Variants in RAB5B observed in about 807,000 individuals in gnomAD.
RAB5B encodes the protein ras-related protein Rab-5B.
In RAB5B, 11 loss-of-function variants were observed where a neutral mutation model predicts 28.6. The ratio of observed to expected loss-of-function variants is 0.38; its 90% CI spans 0.24 to 0.64. The LOEUF (loss-of-function observed/expected upper bound fraction) is 0.64. Ranked by LOEUF, RAB5B falls within the 30% of genes least tolerant of loss-of-function variation. The probability of loss-of-function intolerance (pLI) is 0.53; values close to 1 mark genes in which losing one functional copy is unlikely to be tolerated. For missense variants in RAB5B, 169 were observed against 265.6 expected, an observed-to-expected ratio of 0.64 and a Z score of 2.53; for synonymous variants, 93 against 97.9, an observed-to-expected ratio of 0.95 and a Z score of 0.29.
chr12:55,992,696 G>A lies in RAB5B; in HGVS notation c.*484G>A. 1 of 375,140 alleles carries A rather than the reference G, an allele frequency of 2.7e-6. No homozygotes were observed. The highest frequency in any genetic ancestry group is 9.3e-5 in the East Asian group (1 of 10,756). 23.2% of individuals were successfully genotyped at this position (375,140 alleles called of 1,614,324 possible). Reference sequence around the variant, plus strand: ...AGGTTTCCAGTTCATTTACATTAAGGGCCCTGGGGGAGAATAAAGCTCAGA... The same window carrying A: ...AGGTTTCCAGTTCATTTACATTAAGAGCCCTGGGGGAGAATAAAGCTCAGA... On this transcript the variant is annotated 3_prime_UTR_variant, in exon 6 of 6. Transcript: ENST00000360299.
At chr12:55,981,309 C>A (rs923046430) in intron 1 of RAB5B, among the ~76,000 whole-genome samples, 1 of 152,064 alleles carries the variant, frequency 6.6e-6, no homozygotes, top group African/African-American at 2.4e-5. Flanking sequence ...GGTGATCTGC[C>A]CATCTCGCCC....
intron 1 of RAB5B, among the ~76,000 whole-genome samples, chr12:55,978,281 C>T (rs1209870251): frequency 2.6e-5 from 4 of 152,044 alleles, no homozygotes; most frequent in Admixed American, 2.6e-4. Context: ...GGGTGGATCA[C>T]GAGGTCAGGA....
At chr12:55,975,323 T>C (rs779172750) in intron 1 of RAB5B, among the ~76,000 whole-genome samples, 1 of 152,162 alleles carries the variant, frequency 6.6e-6, no homozygotes, top group Non-Finnish European at 1.5e-5. Flanking sequence ...GGAAGAGATT[T>C]GGGGAAGAGT....
intron 2 of RAB5B, among the ~76,000 whole-genome samples, chr12:55,987,740 A>T (rs1186474194): frequency 6.6e-6 from 1 of 151,720 alleles, no homozygotes; most frequent in Non-Finnish European, 1.5e-5. Context: ...CTAAGGCAGG[A>T]GAATCACTTG....
intron 2 of RAB5B, among the ~76,000 whole-genome samples, chr12:55,989,506 T>A (rs1261099787): frequency 6.6e-6 from 1 of 152,038 alleles, no homozygotes; most frequent in Non-Finnish European, 1.5e-5. Context: ...ACTCCTGACC[T>A]CAGGTGATCC....
chr12:55,987,660 T>C (rs547600132), intron 2 of RAB5B, among the ~76,000 whole-genome samples: 5 of 149,700 alleles, frequency 3.3e-5, no homozygotes, highest in African/African-American at 1.2e-4. Context: ...CGAAATCCTG[T>C]CTCTACTAAA....
intron 1 of RAB5B, among the ~76,000 whole-genome samples, chr12:55,974,410 G>C (rs917969592): frequency 4.6e-5 from 7 of 152,290 alleles, no homozygotes; most frequent in African/African-American, 1.7e-4. Flanking sequence ...CCTGGAGCTT[G>C]AGTGAGGGCA....
chr12:55,990,066 G>A lies in RAB5B; in HGVS notation c.283G>A (p.Ala95Thr). 4 of 1,614,170 alleles carry A rather than the reference G, an allele frequency of 2.5e-6. No homozygotes were observed. In the Middle Eastern group the frequency reaches 4.9e-4, roughly 200 times the overall value. Reference protein sequence around the residue: ...LAPMYYRGAQAAIVVYDITNQ... With the variant: ...LAPMYYRGAQTAIVVYDITNQ... ...CCCCATGTACTACAGGGGTGCCCAAGCTGCAATCGTGGTTTACGACATTAC... is the reference window on the plus strand; with the variant it reads ...CCCCATGTACTACAGGGGTGCCCAAACTGCAATCGTGGTTTACGACATTAC... Residue 95 changes from alanine to threonine, a missense_variant, in exon 3 of 6, where the codon GCT becomes ACT. Ala to Thr is a moderately conservative substitution (Grantham distance 58, BLOSUM62 0). Transcript: ENST00000360299.
intron 1 of RAB5B, chr12:55,985,661 C>T (rs1429685971): frequency 2.2e-6 from 1 of 455,572 alleles, no homozygotes; most frequent in Non-Finnish European, 4.4e-6. Context: ...TCATCAAATA[C>T]TGATTGCTTG....
chr12:55,988,217 A>C (rs1890009694), intron 2 of RAB5B, among the ~76,000 whole-genome samples: 1 of 152,232 alleles, frequency 6.6e-6, no homozygotes, highest in African/African-American at 2.4e-5. Context: ...CTGTAATCCC[A>C]GCTACTTGGG....
intron 2 of RAB5B, 136 bp downstream of exon 2, chr12:55,987,259 C>A: frequency 1.2e-6 from 1 of 832,496 alleles, no homozygotes; most frequent in Non-Finnish European, 1.8e-6. Context: ...CTCCCAGGTT[C>A]GAGCGATTCT....
intron 1 of RAB5B, chr12:55,980,824 G>A: frequency 6.3e-7 from 1 of 1,592,396 alleles, no homozygotes; most frequent in African/African-American, 1.3e-5. Flanking sequence ...TTATTGTCTT[G>A]AACCGCTCTT....
At chr12:55,976,326 C>T (rs1191853329) in intron 1 of RAB5B, among the ~76,000 whole-genome samples, 2 of 152,118 alleles carry the variant, frequency 1.3e-5, no homozygotes, top group East Asian at 3.9e-4. Context: ...TATTGTGTTC[C>T]TTTCACAGTT....
At position 55,986,923 on chromosome 12, in the gene RAB5B, C is replaced by T. The variant is rs749519816; in HGVS notation, c.-38C>T. 1.7e-5 allele frequency: 10 copies of T among 583,784 alleles called. No individual in the cohort carries two copies. Among genetic ancestry groups the T allele is most frequent in the Non-Finnish European group, 2.5e-5 (8 of 326,108 alleles). 36.2% of individuals were successfully genotyped at this position (583,784 alleles called of 1,614,324 possible). On this transcript the variant is annotated 5_prime_UTR_variant, in exon 2 of 6. Transcript: ENST00000360299. ...TTCCCCCTCCCCCCTTTACAGTATC[C>T]CCCTCCCTCCACCCTTTCCCATTCT...
chr12:55,990,093 A>G lies in RAB5B; in HGVS notation c.310A>G (p.Asn104Asp). 3 of 1,613,300 alleles carry G rather than the reference A, an allele frequency of 1.9e-6. No homozygotes were observed. Among genetic ancestry groups the G allele is most frequent in the Non-Finnish European group, 2.5e-6 (3 of 1,179,536 alleles). The change falls in exon 3 of 6, where the codon AAT becomes GAT. Residue 104 changes from asparagine to aspartate, a missense_variant. Coordinates refer to ENST00000360299, the MANE Select transcript of RAB5B (RefSeq NM_002868.4). ...TGCAATCGTGGTTTACGACATTACT[A>G]ATCAGGTAAGTGAGCTAAGAAGACT... ...QAAIVVYDIT[N>D]QETFARAKTW...
intron 4 of RAB5B, 51 bp downstream of exon 4, chr12:55,990,855 C>T (rs1225933234): frequency 1.3e-6 from 2 of 1,596,734 alleles, no homozygotes; most frequent in Non-Finnish European, 1.7e-6. Flanking sequence ...TTCCTGGGAC[C>T]TCTTTTTTTC....
intron 1 of RAB5B, among the ~76,000 whole-genome samples, chr12:55,975,468 C>G (rs777984820): frequency 6.6e-6 from 1 of 152,034 alleles, no homozygotes; most frequent in Non-Finnish European, 1.5e-5. Context: ...GAAAAAGATA[C>G]AGAGGTGCAG....
intron 1 of RAB5B, chr12:55,980,927 G>C (rs189329398): frequency 6.2e-7 from 1 of 1,613,456 alleles, no homozygotes; most frequent in African/African-American, 1.3e-5. Flanking sequence ...GGAGATGTAA[G>C]TGTTGTTGAA....
chr12:55,982,567 T>TA (rs1435606938), intron 1 of RAB5B, among the ~76,000 whole-genome samples: 1 of 152,056 alleles, frequency 6.6e-6, no homozygotes, highest in Non-Finnish European at 1.5e-5. Context: ...ATGCTGGTAT[T>TA]ACAGGCGTGA....
Sources: gnomAD v4.1 joint callset for allele counts (sites outside exome capture counted in the v4.1 genomes callset) on GRCh38, gnomAD v4.1.1 for gene constraint, MANE v1.5 for transcripts, NCBI Gene and HGNC (gene_info 2026-07-23, HGNC 2026-07-21) for gene names.